The following ARMC10 variants were observed in gnomAD, a reference collection of about 807,000 sequenced individuals.
The protein encoded by ARMC10 is armadillo repeat containing 10, also known as armadillo repeat-containing protein 10.
ARMC10 carries 23 observed loss-of-function variants against 30.2 expected under a neutral mutation model. That is an observed-to-expected ratio of 0.76 (90% CI 0.55 to 1.08). The LOEUF is 1.08. Ranked by LOEUF, ARMC10 falls within the 50% of genes least tolerant of loss-of-function variation. ARMC10 has a pLI of 0.00. For missense variants in ARMC10, 303 were observed against 413.7 expected (o/e 0.73, Z 2.32); for synonymous variants, 111 against 164.4 (o/e 0.68, Z 2.48).
intron 2 of ARMC10, among the ~76,000 whole-genome samples, chr7:103,079,745 A>G (rs911635010): frequency 1.3e-5 from 2 of 152,252 alleles, no homozygotes; most frequent in African/African-American, 4.8e-5. Context: ...ACAATTCAAA[A>G]TTTTAATTGA....
chr7:103,081,489 G>A (rs879845683), intron 2 of ARMC10, among the ~76,000 whole-genome samples: 1 of 151,862 alleles, frequency 6.6e-6, no homozygotes, highest in Admixed American at 6.6e-5. Flanking sequence ...TTCCCGCCTC[G>A]GCCTCCCGAG....
chr7:103,090,488 A>G (rs958558157), intron 4 of ARMC10, among the ~76,000 whole-genome samples: 3 of 151,986 alleles, frequency 2.0e-5, no homozygotes, highest in Non-Finnish European at 2.9e-5. Context: ...GTGAGACCCC[A>G]TTTCTTTATT....
chr7:103,076,232 CAAGAT>C (rs758256916), intron 2 of ARMC10, among the ~76,000 whole-genome samples: 2 of 152,170 alleles, frequency 1.3e-5, no homozygotes, highest in African/African-American at 4.8e-5. Flanking sequence ...TACGTGTTCT[CAAGAT>C]AAAAAATAAT....
At chr7:103,083,055 T>G (rs1800528873) in intron 2 of ARMC10, 1 of 456,662 alleles carries the variant, frequency 2.2e-6, no homozygotes, top group Admixed American at 2.3e-5. Context: ...TCCTAATTAA[T>G]CTCTTTATAG....
chr7:103,080,247 T>G (rs1800256671), intron 2 of ARMC10, among the ~76,000 whole-genome samples: 1 of 152,200 alleles, frequency 6.6e-6, no homozygotes, highest in Non-Finnish European at 1.5e-5. Flanking sequence ...AAGTTATACA[T>G]GGTTTTTGTT....
chr7:103,083,704 T>C lies in ARMC10; in HGVS notation c.267T>C (p.Tyr89=). The stretch of plus-strand genomic sequence containing the variant: ...CAGAAGACTTAACTGATGGTTCATA[T>C]GATGATGTTCTAAATGCTGAACAAC... ...SQPEDLTDGS[Y]DDVLNAEQLQ... is the part of the protein sequence containing the mutation. Residue 89 remains tyrosine (Y), a synonymous_variant, in exon 3 of 7, where the codon TAT becomes TAC. Coordinates refer to ENST00000323716, the MANE Select transcript of ARMC10 (RefSeq NM_031905.5). 2 of 1,613,064 alleles carry C rather than the reference T, an allele frequency of 1.2e-6. No homozygotes were observed. Among genetic ancestry groups the C allele is most frequent in the Non-Finnish European group, 1.7e-6 (2 of 1,179,256 alleles).
At chr7:103,093,102 TAA>T (rs1801490001) in intron 5 of ARMC10, among the ~76,000 whole-genome samples, 1 of 152,242 alleles carries the variant, frequency 6.6e-6, no homozygotes, top group African/African-American at 2.4e-5. Flanking sequence ...TAGGTTGATA[TAA>T]GAGGCAACAG....
intron 5 of ARMC10, among the ~76,000 whole-genome samples, chr7:103,093,181 A>G (rs1024992318): frequency 6.6e-5 from 10 of 152,218 alleles, no homozygotes; most frequent in Non-Finnish European, 1.3e-4. Context: ...TAAATCTCTC[A>G]TATTAGTGTG....
At chr7:103,080,751 C>T (rs548290745) in intron 2 of ARMC10, among the ~76,000 whole-genome samples, 3 of 151,870 alleles carry the variant, frequency 2.0e-5, no homozygotes, top group Non-Finnish European at 4.4e-5. Context: ...CCTCAGCCTC[C>T]GGAGTAGCTG....
intron 2 of ARMC10, among the ~76,000 whole-genome samples, chr7:103,078,228 C>T (rs1053265490): frequency 6.6e-6 from 1 of 152,184 alleles, no homozygotes; most frequent in Non-Finnish European, 1.5e-5. Context: ...CTGCCTTAGC[C>T]TCCCAAAGTG....
At position 103,075,362 on chromosome 7, in the gene ARMC10, T is replaced by G. The variant is rs769767254; in HGVS notation, c.90T>G (p.Gly30=). ...ACTGCATTTACAGGCTGACCCGGGG[T>G]CGGCGGCGGGGCGACCGCGAGCTCG... The part of the protein sequence containing the change: ...ACYCIYRLTR[G]RRRGDRELGI... Residue 30 remains glycine (G), a synonymous_variant, in exon 1 of 7, where the codon GGT becomes GGG. Coordinates refer to ENST00000323716, the MANE Select transcript of ARMC10 (RefSeq NM_031905.5). 1 of 1,276,844 alleles carries G rather than the reference T, an allele frequency of 7.8e-7. No individual in the cohort carries two copies. 79.1% of individuals were successfully genotyped at this position (1,276,844 alleles called of 1,614,324 possible).
At position 103,098,534 on chromosome 7, in the gene ARMC10, C is replaced by T. The variant is rs1801978740; in HGVS notation, c.1013C>T (p.Thr338Ile). 1 of 1,570,776 alleles carries T rather than the reference C, an allele frequency of 6.4e-7. No homozygotes were observed. Among genetic ancestry groups the T allele is most frequent in the Non-Finnish European group, 8.6e-7 (1 of 1,160,152 alleles). Reference protein sequence around the residue: ...HDAEVKEKVVTIIPKI With the variant: ...HDAEVKEKVVIIIPKI ...GCAGAGGTGAAGGAAAAGGTTGTAA[C>T]AATAATACCCAAAATCTGATTGGTC... Residue 338 changes from threonine (T) to isoleucine (I), a missense_variant, in exon 7 of 7, where the codon ACA becomes ATA. Thr to Ile is a moderately conservative substitution (Grantham distance 89). This residue lies in a region of ARMC10 where 26 missense variants were observed against 94.7 expected (regional missense o/e 0.27). Coordinates refer to ENST00000323716, the MANE Select transcript of ARMC10 (RefSeq NM_031905.5).
chr7:103,078,507 C>T (rs561281640), intron 2 of ARMC10, among the ~76,000 whole-genome samples: 1 of 152,186 alleles, frequency 6.6e-6, no homozygotes, highest in Non-Finnish European at 1.5e-5. Flanking sequence ...TGTAAGTTTC[C>T]TGAGGCCTCC....
chr7:103,092,684 A>AC, intron 5 of ARMC10, 31 bp downstream of exon 5: 1 of 1,442,472 alleles, frequency 6.9e-7, no homozygotes, highest in South Asian at 1.5e-5. Context: ...AAGCTTATTA[A>AC]CATTGAAATA....
intron 2 of ARMC10, among the ~76,000 whole-genome samples, chr7:103,076,426 A>G (rs892971444): frequency 2.0e-5 from 3 of 152,212 alleles, no homozygotes; most frequent in Admixed American, 1.3e-4. Flanking sequence ...GAGATTGGGG[A>G]TCTATCTTCC....
chr7:103,085,072 A>G (rs1004973268), intron 3 of ARMC10, among the ~76,000 whole-genome samples: 1 of 152,216 alleles, frequency 6.6e-6, no homozygotes, highest in African/African-American at 2.4e-5. Flanking sequence ...AGCAAAAACA[A>G]TAGCTAGTGA....
chr7:103,079,022 T>G (rs975576035), intron 2 of ARMC10, among the ~76,000 whole-genome samples: 7 of 151,954 alleles, frequency 4.6e-5, no homozygotes, highest in African/African-American at 1.7e-4. Flanking sequence ...AAATAAAAAA[T>G]AAAATAATTT....
chr7:103,085,606 C>CTTCTTTTTTTTTTTTTTTTT (rs1563322299), intron 3 of ARMC10, among the ~76,000 whole-genome samples: 4 of 130,578 alleles, frequency 3.1e-5, no homozygotes, highest in Non-Finnish European at 1.7e-5. Flanking sequence ...CATTTCTCTT[C>CTTCTTTTTTTTTTTTTTTTT]TTTTTTTTTT....
intron 2 of ARMC10, among the ~76,000 whole-genome samples, chr7:103,082,433 C>T (rs1198585811): frequency 1.3e-5 from 2 of 148,478 alleles, no homozygotes; most frequent in Admixed American, 6.7e-5. Context: ...CTGTTGAGTA[C>T]AGGGTAGAAA....
Sources: gnomAD v4.1 joint callset for allele counts (sites outside exome capture counted in the v4.1 genomes callset) on GRCh38, gnomAD v4.1.1 for gene constraint, gnomAD v4.1.1 regional missense constraint, MANE v1.5 for transcripts, NCBI Gene and HGNC (gene_info 2026-07-23, HGNC 2026-07-21) for gene names.